Variants in LPIN1 observed in about 807,000 individuals in gnomAD.
LPIN1 encodes the protein phosphatidate phosphatase LPIN1.
In LPIN1, 71 loss-of-function variants were observed where a neutral mutation model predicts 107.5. The ratio of observed to expected loss-of-function variants is 0.66; its 90% CI spans 0.55 to 0.80. The LOEUF is 0.80. Ranked by LOEUF, LPIN1 falls within the 30% of genes least tolerant of loss-of-function variation. LPIN1 has a pLI of 0.00. For missense variants in LPIN1, 1,043 were observed against 1,160.6 expected (o/e 0.90, Z 1.47); for synonymous variants, 445 against 452.6 (o/e 0.98, Z 0.21).
intron 1 of LPIN1, among the ~76,000 whole-genome samples, chr2:11,733,976 G>A (rs1281173628): frequency 6.6e-6 from 1 of 152,228 alleles, no homozygotes; most frequent in African/African-American, 2.4e-5. Flanking sequence ...CACACAGCTA[G>A]TAAGGGGCAG....
At chr2:11,820,764 T>G (rs1215124116) in intron 20 of LPIN1, among the ~76,000 whole-genome samples, 1 of 152,202 alleles carries the variant, frequency 6.6e-6, no homozygotes, top group Non-Finnish European at 1.5e-5. Context: ...AGAATGGAAT[T>G]GAATGAATTT....
At chr2:11,728,388 TA>T (rs1036411631) in intron 1 of LPIN1, among the ~76,000 whole-genome samples, 1 of 152,180 alleles carries the variant, frequency 6.6e-6, no homozygotes, top group Non-Finnish European at 1.5e-5. Context: ...CTTGTTTTAT[TA>T]AAAAAAATTT....
Position 11,805,204 on chromosome 2 carries a change from G to A in LPIN1, c.2249+48G>A, listed in dbSNP as rs754512577. ...CCGCCTCCTGTGAACGCTGGTGTGT[G>A]CACCGCACTCTGCATATGGAATCTT... On this transcript the variant is annotated intron_variant, in intron 17 of 20. Coordinates refer to ENST00000674199, the MANE Select transcript of LPIN1 (RefSeq NM_001349206.2). The A allele has an allele frequency of 5.5e-5, 73 of 1,336,110 alleles. No individual in the cohort carries two copies. In the South Asian group the frequency reaches 8.3e-4, roughly 15 times the overall value. The allele number at this position is 1,336,110 out of a possible 1,614,324, so 82.8% of individuals were successfully genotyped here. A position where few individuals can be genotyped will look rare whatever the true frequency, so the allele number is the denominator to read the frequency against.
chr2:11,755,922 C>T (rs183425229), intron 1 of LPIN1, among the ~76,000 whole-genome samples: 20 of 152,186 alleles, frequency 1.3e-4, no homozygotes, highest in Admixed American at 6.5e-4. Flanking sequence ...GTGGTTTCAC[C>T]GTGTTAGCCA....
rs1036744826 is a variant in LPIN1 at position 11,774,232 on chromosome 2, G to C, written c.722+487G>C. The stretch of plus-strand genomic sequence containing the variant: ...CCCTAGAGGAAAACTTGGAGAACTA[G>C]AGCTGCTCACTGTGCAGATGCCATC... On this transcript the variant is annotated intron_variant, in intron 5 of 20. Transcript: ENST00000674199. This position sits in a 1 kb window ranked among gnomAD's most constrained non-coding sequence, Gnocchi z 4.4. Among the ~76,000 whole-genome samples the C allele has an allele frequency of 1.3e-5, 2 of 152,204 alleles. No homozygotes were observed. Among genetic ancestry groups the C allele is most frequent in the Admixed American group, 1.3e-4 (2 of 15,280 alleles).
intron 17 of LPIN1, among the ~76,000 whole-genome samples, chr2:11,805,701 G>A (rs532007751): frequency 5.3e-4 from 81 of 152,300 alleles, no homozygotes; most frequent in African/African-American, 1.9e-3. Context: ...GGGGTTCTCC[G>A]ACTGCTCTCC....
Position 11,758,330 on chromosome 2 carries a change from TG to T in LPIN1, c.-9-7202del, listed in dbSNP as rs1668993863. 3.3e-5 allele frequency among the ~76,000 whole-genome samples: 5 copies of T among 152,318 alleles called. No individual in the cohort carries two copies. The South Asian group carries it at 1.0e-3, about 32-fold the overall frequency. On this transcript the variant is annotated intron_variant, in intron 1 of 20. Transcript: ENST00000674199. ...TAAGCTAATTTTATTTTTATTTTTT[TG>T]AGGAATTCAGACTATTTTCTGAAGT... is the stretch of plus-strand genomic sequence containing the variant.
chr2:11,695,709 G>T (rs144461904), intron 1 of LPIN1, among the ~76,000 whole-genome samples: 1 of 152,254 alleles, frequency 6.6e-6, no homozygotes, highest in East Asian at 1.9e-4. Context: ...GTGGCCAGAG[G>T]GAAGCTGGCC....
chr2:11,803,042 C>G lies in LPIN1; in HGVS notation c.2013+9C>G, dbSNP rs1345981157. On this transcript the variant is annotated intron_variant, in intron 15 of 20. Coordinates refer to ENST00000674199, the MANE Select transcript of LPIN1 (RefSeq NM_001349206.2). The surrounding 1 kb of genome is among the most constrained non-coding windows in gnomAD (Gnocchi z 4.2). ...TGACTTCCGAGCAGCTTGTGAGTCT[C>G]CCATGCTTGGCGCGGCTGTGTTGTG... 1.2e-6 allele frequency: 2 copies of G among 1,612,180 alleles called. No individual in the cohort carries two copies. Among genetic ancestry groups the G allele is most frequent in the South Asian group, 2.2e-5 (2 of 91,004 alleles).
intron 12 of LPIN1, among the ~76,000 whole-genome samples, chr2:11,790,235 G>A (rs1675479353): frequency 6.6e-6 from 1 of 152,244 alleles, no homozygotes; most frequent in African/African-American, 2.4e-5. Flanking sequence ...TTAGGAAACA[G>A]AATGACTAAA....
chr2:11,764,054 ATGTGTG>A (rs146894219), intron 1 of LPIN1: 10,831 of 104,148 alleles, frequency 0.1, 745 homozygotes, highest in Middle Eastern at 0.16. Context: ...CTATCTTCAA[ATGTGTG>A]TGTGTGTGTG....
At chr2:11,815,575 C>G (rs1026169049) in intron 18 of LPIN1, among the ~76,000 whole-genome samples, 25 of 151,976 alleles carry the variant, frequency 1.6e-4, no homozygotes, top group African/African-American at 6.0e-4. Flanking sequence ...ACATGCTGTT[C>G]CGTCTTTTTG....
intron 2 of LPIN1, among the ~76,000 whole-genome samples, chr2:11,715,711 G>C (rs1441730143): frequency 1.3e-5 from 2 of 152,072 alleles, no homozygotes; most frequent in African/African-American, 4.8e-5. Flanking sequence ...TGTTCTGCAG[G>C]GTATTGAAAG....
chr2:11,783,255 G>C (rs1413075708), intron 8 of LPIN1, among the ~76,000 whole-genome samples: 1 of 152,168 alleles, frequency 6.6e-6, no homozygotes, highest in Non-Finnish European at 1.5e-5. Context: ...TTTGCCTCGG[G>C]GTATTGATGG....
At chr2:11,791,407 C>T (rs970075394) in intron 12 of LPIN1, among the ~76,000 whole-genome samples, 4 of 152,100 alleles carry the variant, frequency 2.6e-5, no homozygotes, top group African/African-American at 7.2e-5. Flanking sequence ...TTTTAATACT[C>T]GAGATTTTAA....
At chr2:11,788,579 G>A in intron 12 of LPIN1, 123 bp downstream of exon 12, 1 of 795,824 alleles carries the variant, frequency 1.3e-6, no homozygotes, top group Non-Finnish European at 2.2e-6. Flanking sequence ...CTCTTTTGAA[G>A]TTCATGAGCA....
chr2:11,690,197 A>G (rs1270152112), intron 1 of LPIN1, among the ~76,000 whole-genome samples: 2 of 152,240 alleles, frequency 1.3e-5, no homozygotes, highest in African/African-American at 4.8e-5. Context: ...CTTTTGTCTC[A>G]GTTCATGATT....
At chr2:11,775,611 T>G (rs1330468277) in intron 5 of LPIN1, among the ~76,000 whole-genome samples, 1 of 152,146 alleles carries the variant, frequency 6.6e-6, no homozygotes, top group East Asian at 1.9e-4. Context: ...TTATGTAGTT[T>G]GATTAAGCAC....
At chr2:11,690,543 C>T (rs1662217454) in intron 1 of LPIN1, among the ~76,000 whole-genome samples, 1 of 152,202 alleles carries the variant, frequency 6.6e-6, no homozygotes, top group Non-Finnish European at 1.5e-5. Context: ...TCAACAACTT[C>T]TTCTTTGTGA....
Sources: gnomAD v4.1 joint callset for allele counts (sites outside exome capture counted in the v4.1 genomes callset) on GRCh38, gnomAD v4.1.1 for gene constraint, Gnocchi (gnomAD v3.1) non-coding constraint, MANE v1.5 for transcripts, NCBI Gene and HGNC (gene_info 2026-07-23, HGNC 2026-07-21) for gene names.